Variants in ESR2 observed in about 807,000 individuals in gnomAD.
The protein encoded by ESR2 is estrogen receptor beta.
ESR2 carries 36 observed loss-of-function variants against 49.6 expected under a neutral mutation model. That is an observed-to-expected ratio of 0.73 (90% CI 0.56 to 0.96). ESR2 has a LOEUF of 0.96. ESR2 is among the 40% of genes least tolerant of loss of function. The pLI, the probability that ESR2 is intolerant of heterozygous loss-of-function variation, is 0.00. For missense variants in ESR2, 714 were observed against 693.0 expected (o/e 1.03, Z -0.34); for synonymous variants, 320 against 266.1 (o/e 1.20, Z -1.97).
chr14:64,283,058 C>T lies in ESR2; in HGVS notation c.-73G>A, dbSNP rs779390544. 85 of 1,476,306 alleles carry T rather than the reference C, an allele frequency of 5.8e-5. No homozygotes were observed. The highest frequency in any genetic ancestry group is 7.7e-5 in the Non-Finnish European group (84 of 1,096,618). 91.5% of individuals were successfully genotyped at this position (1,476,306 alleles called of 1,614,324 possible). A position where few individuals can be genotyped will look rare whatever the true frequency, so the allele number is the denominator to read the frequency against. On this transcript the variant is annotated 5_prime_UTR_variant, in exon 2 of 9. Coordinates refer to ENST00000341099, the MANE Select transcript of ESR2 (RefSeq NM_001437.3). ...GGTCATTATAATGTTCTCAAAGATT[C>T]GTGGGCAAGTATAATGGCTGTAAAG...
At chr14:64,251,047 G>A (rs2075976727) in intron 6 of ESR2, among the ~76,000 whole-genome samples, 1 of 152,088 alleles carries the variant, frequency 6.6e-6, no homozygotes, top group Admixed American at 6.6e-5. Context: ...ATAGGAAAAG[G>A]CCGTCTTAGA....
chr14:64,316,484 G>C (rs1354388055), intron 1 of ESR2, among the ~76,000 whole-genome samples: 2 of 152,014 alleles, frequency 1.3e-5, no homozygotes, highest in Admixed American at 1.3e-4. Flanking sequence ...ATATTACCCT[G>C]ATATAAAAAC....
chr14:64,336,938 C>T lies in ESR2; in HGVS notation c.-91+960G>A, dbSNP rs796946947. On this transcript the variant is annotated intron_variant, in intron 1 of 8. Transcript: ENST00000358599. ...CTGCCTCCCACTGCCATTCCTTGCCCTTTTAATTTACCTATTAAAAAAATA... is the reference window on the plus strand; with the variant it reads ...CTGCCTCCCACTGCCATTCCTTGCCTTTTTAATTTACCTATTAAAAAAATA... Among the ~76,000 whole-genome samples the T allele has an allele frequency of 1.2e-4, 19 of 152,228 alleles. 1 individual carries two copies. Among genetic ancestry groups the T allele is most frequent in the African/African-American group, 4.6e-4 (19 of 41,548 alleles).
At chr14:64,296,150 A>G (rs980231593), upstream of ESR2, among the ~76,000 whole-genome samples, 1 of 152,184 alleles carries the variant, frequency 6.6e-6, no homozygotes, top group African/African-American at 2.4e-5. Flanking sequence ...ACCATAAGCC[A>G]ACAGGCAGAA....
At chr14:64,334,377 C>T (rs2077503150) in intron 1 of ESR2, among the ~76,000 whole-genome samples, 1 of 152,208 alleles carries the variant, frequency 6.6e-6, no homozygotes, top group African/African-American at 2.4e-5. Context: ...TCACAGAAGG[C>T]TTCAGTTCTT....
intron 1 of ESR2, among the ~76,000 whole-genome samples, chr14:64,290,476 C>T (rs1170777052): frequency 3.3e-5 from 5 of 152,086 alleles, no homozygotes; most frequent in East Asian, 1.9e-4. Flanking sequence ...GATCGCGGCT[C>T]ACTGTAAACT....
At chr14:64,259,540 C>T (rs940086283) in intron 5 of ESR2, among the ~76,000 whole-genome samples, 3 of 152,242 alleles carry the variant, frequency 2.0e-5, no homozygotes, top group South Asian at 2.1e-4. Flanking sequence ...TCCACAGAAA[C>T]ACCAAGTCAA....
At chr14:64,265,219 T>C (rs1415430794) in intron 4 of ESR2, among the ~76,000 whole-genome samples, 1 of 152,090 alleles carries the variant, frequency 6.6e-6, no homozygotes, top group Non-Finnish European at 1.5e-5. Context: ...CTCCACCAAA[T>C]CGAGTGCTCC....
At chr14:64,306,222 AAG>A (rs2077096493) in intron 1 of ESR2, among the ~76,000 whole-genome samples, 1 of 152,138 alleles carries the variant, frequency 6.6e-6, no homozygotes, top group African/African-American at 2.4e-5. Context: ...GAAAAAAAAA[AAG>A]AAAGTAAAAA....
At chr14:64,227,364 T>C (rs8018687), downstream of ESR2, 69,712 of 697,990 alleles carry the variant, frequency 0.1, 6,727 homozygotes, top group African/African-American at 0.41. Context: ...ATCAAATTGT[T>C]GGATTGATAA....
intron 1 of ESR2, among the ~76,000 whole-genome samples, chr14:64,289,209 G>A (rs1203371421): frequency 6.6e-6 from 1 of 151,742 alleles, no homozygotes; most frequent in African/African-American, 2.4e-5. Context: ...GAAATGAGAT[G>A]ATGTCTGTGA....
At chr14:64,243,716 G>C (rs1339617396) in intron 7 of ESR2, among the ~76,000 whole-genome samples, 3 of 152,160 alleles carry the variant, frequency 2.0e-5, no homozygotes, top group South Asian at 2.1e-4. Context: ...GAACTGCAAG[G>C]TTTTTCCCAC....
intron 1 of ESR2, among the ~76,000 whole-genome samples, chr14:64,332,918 C>A (rs532114470): frequency 6.9e-6 from 1 of 144,492 alleles, no homozygotes; most frequent in East Asian, 2.2e-4. Context: ...GTCGCCCAGG[C>A]TGGAGGGTAG....
chr14:64,273,227 T>C (rs534528345), intron 3 of ESR2, among the ~76,000 whole-genome samples: 10 of 152,282 alleles, frequency 6.6e-5, no homozygotes, highest in African/African-American at 2.4e-4. Flanking sequence ...TGGTGGAATT[T>C]TTCAATTTTT....
chr14:64,275,150 T>C (rs1366429061), intron 3 of ESR2, among the ~76,000 whole-genome samples: 2 of 152,224 alleles, frequency 1.3e-5, no homozygotes, highest in Non-Finnish European at 2.9e-5. Context: ...CATTTCTTTG[T>C]TGATTTTGTG....
intron 6 of ESR2, among the ~76,000 whole-genome samples, chr14:64,254,198 C>T (rs1185685094): frequency 6.6e-6 from 1 of 152,128 alleles, no homozygotes; most frequent in Admixed American, 6.5e-5. Flanking sequence ...CATATTACCA[C>T]TTGAAGAAGC....
At chr14:64,307,357 A>G (rs1022337102) in intron 1 of ESR2, among the ~76,000 whole-genome samples, 3 of 148,348 alleles carry the variant, frequency 2.0e-5, no homozygotes, top group Non-Finnish European at 4.5e-5. Context: ...GATTACAGGC[A>G]TGTGCCACCA....
intron 5 of ESR2, 190 bp downstream of exon 5, chr14:64,260,259 C>A: frequency 1.3e-6 from 1 of 771,398 alleles, no homozygotes; most frequent in Admixed American, 1.8e-5. Context: ...CAGAACACGG[C>A]CTTGTTGAAG....
At chr14:64,317,046 C>T (rs1369372635) in intron 1 of ESR2, among the ~76,000 whole-genome samples, 1 of 152,144 alleles carries the variant, frequency 6.6e-6, no homozygotes, top group Non-Finnish European at 1.5e-5. Flanking sequence ...AGGCTGATCA[C>T]TTGAGGTCAG....
Sources: gnomAD v4.1 joint callset for allele counts (sites outside exome capture counted in the v4.1 genomes callset) on GRCh38, gnomAD v4.1.1 for gene constraint, MANE v1.5 for transcripts, NCBI Gene and HGNC (gene_info 2026-07-23, HGNC 2026-07-21) for gene names.